LIPK: variants seen among roughly 807,000 people sequenced by gnomAD.
LIPK encodes the protein lipase member K.
LIPK carries 32 observed loss-of-function variants against 48.6 expected under a neutral mutation model. The observed-to-expected ratio is 0.66, with a 90% CI of 0.50 to 0.88. The LOEUF is 0.88. Ranked by LOEUF, LIPK falls within the 40% of genes least tolerant of loss-of-function variation. The pLI is 0.00. For missense variants in LIPK, 507 were observed against 478.5 expected (o/e 1.06, Z -0.56); for synonymous variants, 164 against 157.4 (o/e 1.04, Z -0.32).
chr10:88,708,473 A>G (rs1590125309), intron 1 of LIPK, among the ~76,000 whole-genome samples: 2 of 152,106 alleles, frequency 1.3e-5, no homozygotes, highest in South Asian at 2.1e-4. Context: ...TTAAAAATAT[A>G]TAACAGTTGC....
At chr10:88,716,605 C>T (rs936493973) in intron 1 of LIPK, among the ~76,000 whole-genome samples, 1 of 152,100 alleles carries the variant, frequency 6.6e-6, no homozygotes, top group Admixed American at 6.5e-5. Context: ...GATCCACACG[C>T]CTCGGCCTCC....
At chr10:88,747,590 A>G (rs1476802264) in intron 9 of LIPK, among the ~76,000 whole-genome samples, 1 of 152,170 alleles carries the variant, frequency 6.6e-6, no homozygotes, top group African/African-American at 2.4e-5. Flanking sequence ...AAAACCCTCA[A>G]CAAACTAAGC....
At position 88,732,514 on chromosome 10, in the gene LIPK, T is replaced by G. The variant is rs185696908; in HGVS notation, c.632T>G (p.Met211Arg). 1.2e-6 allele frequency: 2 copies of G among 1,611,966 alleles called. No homozygotes were observed. Among genetic ancestry groups the G allele is most frequent in the African/African-American group, 2.7e-5 (2 of 74,882 alleles). The change falls in exon 6 of 10, where the codon ATG (methionine) becomes AGG (arginine). Residue 211 changes from methionine (M) to arginine (R), a missense_variant. Met to Arg is a moderately conservative substitution (Grantham distance 91). Coordinates refer to ENST00000404190, the MANE Select transcript of LIPK (RefSeq NM_001080518.2). ...ACAGTTAAATACACCCAAAGTCCTA[T>G]GAAAAAACTAACAACCCTTTCCAGG... ...VVTVKYTQSP[M>R]KKLTTLSRRV...
chr10:88,726,680 T>C, intron 2 of LIPK, 115 bp from the exon 3 acceptor site: 1 of 654,828 alleles, frequency 1.5e-6, no homozygotes, highest in Non-Finnish European at 2.7e-6. Flanking sequence ...GGGAACACAG[T>C]GAGACCCGTC....
chr10:88,723,324 G>A (rs1842269422), intron 1 of LIPK, among the ~76,000 whole-genome samples: 2 of 152,110 alleles, frequency 1.3e-5, no homozygotes, highest in African/African-American at 4.8e-5. Context: ...TGCTTCTGAA[G>A]GTGATATTAT....
Position 88,743,232 on chromosome 10 carries a change from G to A in LIPK, c.889-18G>A, listed in dbSNP as rs1407190737. ...CACTATTTTCTTATATTATTTTAACGTGCTTATTTTATTTTAGGCTGTTAA... is the reference window on the plus strand; with the variant it reads ...CACTATTTTCTTATATTATTTTAACATGCTTATTTTATTTTAGGCTGTTAA... On this transcript the variant is annotated intron_variant, in intron 8 of 9. Transcript: ENST00000404190. The A allele has an allele frequency of 1.3e-6, 2 of 1,537,450 alleles. No homozygotes were observed. Among genetic ancestry groups the A allele is most frequent in the South Asian group, 2.4e-5 (2 of 84,492 alleles).
chr10:88,720,953 T>C (rs1842212430), intron 1 of LIPK, among the ~76,000 whole-genome samples: 1 of 151,848 alleles, frequency 6.6e-6, no homozygotes, highest in Non-Finnish European at 1.5e-5. Flanking sequence ...TATTGTGATT[T>C]AATCTGAGTA....
chr10:88,722,239 G>A (rs1312523512), intron 1 of LIPK, among the ~76,000 whole-genome samples: 2 of 152,176 alleles, frequency 1.3e-5, no homozygotes, highest in African/African-American at 2.4e-5. Flanking sequence ...ATGTTGCAGT[G>A]AGCCGGGGTC....
chr10:88,742,297 C>T (rs1382447068), intron 8 of LIPK, among the ~76,000 whole-genome samples: 3 of 152,148 alleles, frequency 2.0e-5, no homozygotes, highest in Non-Finnish European at 4.4e-5. Context: ...AGTAGTACGT[C>T]CTATTGCCTC....
At chr10:88,748,995 C>T (rs1048504495) in intron 9 of LIPK, among the ~76,000 whole-genome samples, 1 of 151,990 alleles carries the variant, frequency 6.6e-6, no homozygotes, top group Non-Finnish European at 1.5e-5. Context: ...TCCAAGCTGA[C>T]AGCCAAGTCA....
chr10:88,736,215 A>C (rs535190766), intron 6 of LIPK, among the ~76,000 whole-genome samples: 2 of 152,114 alleles, frequency 1.3e-5, no homozygotes, highest in Admixed American at 1.3e-4. Context: ...GAGGAGGAAG[A>C]AGAAAAAGGG....
intron 1 of LIPK, among the ~76,000 whole-genome samples, chr10:88,710,346 A>G: frequency 6.6e-6 from 1 of 152,170 alleles, no homozygotes; most frequent in Admixed American, 6.6e-5. Flanking sequence ...AATATGTCAA[A>G]TAAGTTTTAC....
intron 1 of LIPK, among the ~76,000 whole-genome samples, chr10:88,712,323 T>C (rs561340666): frequency 5.3e-5 from 8 of 152,276 alleles, no homozygotes; most frequent in African/African-American, 1.7e-4. Flanking sequence ...GTTTCAGTAA[T>C]TTTTTTAGCT....
At chr10:88,713,162 T>A (rs928579417) in intron 1 of LIPK, among the ~76,000 whole-genome samples, 1 of 152,212 alleles carries the variant, frequency 6.6e-6, no homozygotes, top group Non-Finnish European at 1.5e-5. Flanking sequence ...TATGTGAATT[T>A]AGCTAACCTA....
chr10:88,735,716 A>G (rs1842557936), intron 6 of LIPK, among the ~76,000 whole-genome samples: 1 of 152,222 alleles, frequency 6.6e-6, no homozygotes, highest in African/African-American at 2.4e-5. Flanking sequence ...TACTAGAAGG[A>G]GCCTGGCTCC....
chr10:88,749,519 G>A (rs1296733359), intron 9 of LIPK, among the ~76,000 whole-genome samples: 3 of 152,090 alleles, frequency 2.0e-5, no homozygotes, highest in East Asian at 3.9e-4. Flanking sequence ...GGGAAAGGAT[G>A]GTCTATTCAA....
rs746908871 is a variant in LIPK, at chr10:88,743,237, T to C, written c.889-13T>C. 4.5e-6 allele frequency: 7 copies of C among 1,556,212 alleles called. No homozygotes were observed. In the African/African-American group the frequency reaches 6.8e-5, roughly 15 times the overall value. On this transcript the variant is annotated splice_polypyrimidine_tract_variant and intron_variant, in intron 8 of 9. Coordinates refer to ENST00000404190, the MANE Select transcript of LIPK (RefSeq NM_001080518.2). ...TTTTCTTATATTATTTTAACGTGCT[T>C]ATTTTATTTTAGGCTGTTAATTCTG...
intron 7 of LIPK, among the ~76,000 whole-genome samples, chr10:88,739,115 GT>G (rs879586314): frequency 2.0e-5 from 3 of 152,096 alleles, no homozygotes; most frequent in Admixed American, 6.5e-5. Context: ...TTTTGTTTTT[GT>G]TTTTGTTCTT....
At chr10:88,711,321 C>T (rs1396195878) in intron 1 of LIPK, among the ~76,000 whole-genome samples, 1 of 152,034 alleles carries the variant, frequency 6.6e-6, no homozygotes, top group Non-Finnish European at 1.5e-5. Flanking sequence ...GAAATGGTTA[C>T]TATAGTCAAA....
Sources: gnomAD v4.1 joint callset for allele counts (sites outside exome capture counted in the v4.1 genomes callset) on GRCh38, gnomAD v4.1.1 for gene constraint, MANE v1.5 for transcripts, NCBI Gene and HGNC (gene_info 2026-07-23, HGNC 2026-07-21) for gene names.